The following MAGI2 variants were observed in gnomAD, a reference collection of about 807,000 sequenced individuals.
MAGI2 encodes the protein membrane associated guanylate kinase, WW and PDZ domain containing 2.
MAGI2 carries 35 observed loss-of-function variants against 133.3 expected under a neutral mutation model. That is an observed-to-expected ratio of 0.26 (90% CI 0.20 to 0.35). MAGI2 has a LOEUF of 0.35. Ranked by LOEUF, MAGI2 falls within the 10% of genes least tolerant of loss-of-function variation. The pLI, the probability that MAGI2 is intolerant of heterozygous loss-of-function variation, is 1.00. For synonymous variants in MAGI2, 729 were observed against 710.6 expected, an observed-to-expected ratio of 1.03 and a Z score of -0.41; for missense variants, 1,636 against 1,863.4, an observed-to-expected ratio of 0.88 and a Z score of 2.25.
rs148624957 is a variant in MAGI2, at chr7:78,774,037, T to A, written c.419-146798A>T. Among the ~76,000 whole-genome samples the A allele has an allele frequency of 5.1e-4, 78 of 152,308 alleles. No individual in the cohort carries two copies. The East Asian group carries it at 0.014, about 27-fold the overall frequency. On this transcript the variant is annotated intron_variant, in intron 2 of 21. Coordinates refer to ENST00000354212, the MANE Select transcript of MAGI2 (RefSeq NM_012301.4). ...TCCAAGAATATCTATTTTTAAGCAG[T>A]ATCCCAGGCAATTATTATTATCATA... is the stretch of plus-strand genomic sequence containing the variant.
intron 6 of MAGI2, among the ~76,000 whole-genome samples, chr7:78,452,507 T>G (rs1788834638): frequency 6.6e-6 from 1 of 151,982 alleles, no homozygotes; most frequent in Admixed American, 6.6e-5. Flanking sequence ...GAAAGGTCCC[T>G]AAAATAAATA....
chr7:79,221,883 G>GA (rs1332174461), intron 1 of MAGI2, among the ~76,000 whole-genome samples: 1 of 151,896 alleles, frequency 6.6e-6, no homozygotes, highest in Non-Finnish European at 1.5e-5. Flanking sequence ...TACTTTAAAA[G>GA]AAAAAACATT....
At chr7:79,105,639 A>T (rs962709560) in intron 1 of MAGI2, among the ~76,000 whole-genome samples, 3 of 152,208 alleles carry the variant, frequency 2.0e-5, no homozygotes, top group African/African-American at 7.2e-5. Context: ...GTTAGGAATT[A>T]AAAATAATCT....
At chr7:79,071,545 C>A (rs1487653510) in intron 1 of MAGI2, among the ~76,000 whole-genome samples, 1 of 152,134 alleles carries the variant, frequency 6.6e-6, no homozygotes, top group Non-Finnish European at 1.5e-5. Flanking sequence ...GAAGCTATGC[C>A]CACAGCCGCC....
At chr7:78,600,548 G>A (rs1416375865) in intron 3 of MAGI2, among the ~76,000 whole-genome samples, 1 of 152,088 alleles carries the variant, frequency 6.6e-6, no homozygotes, top group African/African-American at 2.4e-5. Context: ...AAAGATTATC[G>A]ATGCATTTGG....
chr7:78,651,432 A>G (rs575842803), intron 2 of MAGI2, among the ~76,000 whole-genome samples: 4 of 151,922 alleles, frequency 2.6e-5, no homozygotes, highest in African/African-American at 9.7e-5. Context: ...CAGCGCACCC[A>G]CTGAAGCACC....
chr7:78,426,513 G>A (rs1014125703), intron 6 of MAGI2, among the ~76,000 whole-genome samples: 4 of 152,060 alleles, frequency 2.6e-5, no homozygotes, highest in Admixed American at 6.6e-5. Flanking sequence ...GCTAGATGAC[G>A]AGTTAGTGGG....
chr7:79,207,752 A>G (rs1829175807), intron 1 of MAGI2, among the ~76,000 whole-genome samples: 1 of 152,040 alleles, frequency 6.6e-6, no homozygotes, highest in South Asian at 2.1e-4. Context: ...AGCAGAAAGA[A>G]CAAAGCTGCA....
chr7:78,623,022 G>T (rs192485922), intron 3 of MAGI2, among the ~76,000 whole-genome samples: 1 of 151,976 alleles, frequency 6.6e-6, no homozygotes, highest in Non-Finnish European at 1.5e-5. Context: ...ACAAAACTTG[G>T]TTATGTTCAT....
chr7:78,019,512 CGGCAAACGCCGGCGCA>C lies in MAGI2; in HGVS notation c.4155_4170del (p.Pro1387ArgfsTer82). 1 of 980,306 alleles carries C rather than the reference CGGCAAACGCCGGCGCA, an allele frequency of 1.0e-6. No homozygotes were observed. Among genetic ancestry groups the C allele is most frequent in the Non-Finnish European group, 1.2e-6 (1 of 828,218 alleles). The allele number at this position is 980,306 out of a possible 1,614,324, so 60.7% of individuals were successfully genotyped here. On this transcript the variant is annotated frameshift_variant, in exon 22 of 22. Coordinates refer to ENST00000354212, the MANE Select transcript of MAGI2 (RefSeq NM_012301.4). LOFTEE classifies it low-confidence loss of function (END_TRUNC). ...GCGCCGCTGCCGCCGCCGCCCGGGC[CGGCAAACGCCGGCGCA>C]GCCCCCGGGCCTTCGCGCCGGCAGA...
At chr7:78,249,135 G>T (rs1006828544) in intron 10 of MAGI2, among the ~76,000 whole-genome samples, 1 of 152,088 alleles carries the variant, frequency 6.6e-6, no homozygotes, top group Non-Finnish European at 1.5e-5. Context: ...CTAATTATCA[G>T]GGAAATACAA....
chr7:79,219,297 A>AT (rs1221342880), intron 1 of MAGI2, among the ~76,000 whole-genome samples: 1 of 151,900 alleles, frequency 6.6e-6, no homozygotes, highest in South Asian at 2.1e-4. Flanking sequence ...ATAAAGGTAG[A>AT]TTTTTTTTCC....
intron 1 of MAGI2, chr7:79,410,835 G>T (rs191113607): frequency 6.6e-6 from 1 of 152,108 alleles, no homozygotes; most frequent in Admixed American, 6.6e-5. Context: ...AATGGATATG[G>T]TATTTACATA....
chr7:78,177,445 CAG>C (rs1554487494), intron 14 of MAGI2, among the ~76,000 whole-genome samples: 9 of 144,644 alleles, frequency 6.2e-5, no homozygotes, highest in African/African-American at 2.1e-4. Context: ...CACACACACA[CAG>C]ACACACACAC....
intron 2 of MAGI2, among the ~76,000 whole-genome samples, chr7:78,684,570 G>T (rs1322096933): frequency 6.6e-6 from 1 of 151,994 alleles, no homozygotes; most frequent in Admixed American, 6.6e-5. Context: ...GATATAATGT[G>T]TTTCTTAGTT....
chr7:78,433,837 C>A (rs994358240), intron 6 of MAGI2, among the ~76,000 whole-genome samples: 3 of 152,026 alleles, frequency 2.0e-5, no homozygotes, highest in African/African-American at 2.4e-5. Context: ...CACATATAGT[C>A]CAACAATATA....
chr7:78,427,501 T>A (rs76275945), intron 6 of MAGI2, among the ~76,000 whole-genome samples: 1 of 152,144 alleles, frequency 6.6e-6, no homozygotes, highest in Non-Finnish European at 1.5e-5. Context: ...TATTTCATGA[T>A]GATGAAAAGC....
At chr7:78,023,024 G>A (rs1017528506) in intron 21 of MAGI2, among the ~76,000 whole-genome samples, 2 of 152,154 alleles carry the variant, frequency 1.3e-5, no homozygotes, top group African/African-American at 4.8e-5. Flanking sequence ...TATATGAGTG[G>A]TTGAATATTT....
At chr7:78,557,097 A>AAAAAAAAAG (rs1554473311) in intron 3 of MAGI2, among the ~76,000 whole-genome samples, 4 of 138,954 alleles carry the variant, frequency 2.9e-5, no homozygotes, top group African/African-American at 1.2e-4. Flanking sequence ...AAAAAAAAAA[A>AAAAAAAAAG]AAAGAAAAAG....
Sources: gnomAD v4.1 joint callset for allele counts (sites outside exome capture counted in the v4.1 genomes callset) on GRCh38, gnomAD v4.1.1 for gene constraint, MANE v1.5 for transcripts, NCBI Gene and HGNC (gene_info 2026-07-23, HGNC 2026-07-21) for gene names.